The following ITGA9 variants were observed in gnomAD, a reference collection of about 807,000 sequenced individuals.
ITGA9 encodes integrin alpha-9.
Under a neutral mutation model 127.8 loss-of-function variants are expected in ITGA9, and 56 were observed. The observed-to-expected ratio is 0.44, with a 90% CI of 0.35 to 0.55. The LOEUF (loss-of-function observed/expected upper bound fraction) is 0.55, where lower values mean the gene tolerates loss of function less well. Ranked by LOEUF, ITGA9 falls within the 20% of genes least tolerant of loss-of-function variation. The pLI, the probability that ITGA9 is intolerant of heterozygous loss-of-function variation, is 0.00. For missense variants in ITGA9, 1,196 were observed against 1,347.1 expected (o/e 0.89, Z 1.76); for synonymous variants, 508 against 514.5 (o/e 0.99, Z 0.17).
At chr3:37,586,144 C>T (rs1699757314) in intron 15 of ITGA9, among the ~76,000 whole-genome samples, 2 of 152,288 alleles carry the variant, frequency 1.3e-5, no homozygotes, top group South Asian at 4.1e-4. Context: ...CCTGTGCCAA[C>T]AGTATTTTAC....
intron 23 of ITGA9, among the ~76,000 whole-genome samples, chr3:37,770,278 T>C (rs1250287735): frequency 1.3e-5 from 2 of 152,202 alleles, no homozygotes; most frequent in African/African-American, 4.8e-5. Flanking sequence ...TTATTTCCAT[T>C]GATATCTGAA....
At chr3:37,532,113 G>A (rs1242195910) in intron 13 of ITGA9, among the ~76,000 whole-genome samples, 2 of 152,208 alleles carry the variant, frequency 1.3e-5, no homozygotes, top group Non-Finnish European at 2.9e-5. Flanking sequence ...AAAGACTAAG[G>A]TGTTGGCCTT....
At chr3:37,524,521 T>A (rs1476748350) in intron 12 of ITGA9, among the ~76,000 whole-genome samples, 1 of 152,212 alleles carries the variant, frequency 6.6e-6, no homozygotes, top group Non-Finnish European at 1.5e-5. Context: ...GAAGCTTTTG[T>A]CCCAAGAAAG....
At chr3:37,793,389 A>AACACACAT (rs1270642484) in intron 26 of ITGA9, among the ~76,000 whole-genome samples, 3 of 134,564 alleles carry the variant, frequency 2.2e-5, no homozygotes, top group Middle Eastern at 3.7e-3. Context: ...CAAACAGGTC[A>AACACACAT]ACACACACAC....
chr3:37,761,616 T>C (rs1262689495), intron 23 of ITGA9, among the ~76,000 whole-genome samples: 1 of 152,200 alleles, frequency 6.6e-6, no homozygotes, highest in Non-Finnish European at 1.5e-5. Flanking sequence ...TAATAATTTC[T>C]TAAGGAAATT....
intron 23 of ITGA9, among the ~76,000 whole-genome samples, chr3:37,752,226 C>T (rs765883219): frequency 2.6e-5 from 4 of 152,218 alleles, no homozygotes; most frequent in African/African-American, 4.8e-5. Context: ...GAGCTCATGA[C>T]GGTTTCCACT....
At chr3:37,472,771 T>C (rs896180917) in intron 2 of ITGA9, among the ~76,000 whole-genome samples, 2 of 152,234 alleles carry the variant, frequency 1.3e-5, no homozygotes, top group African/African-American at 4.8e-5. Flanking sequence ...GTGAACTGTT[T>C]GTTACTGGTG....
chr3:37,675,374 C>T (rs1700671322), intron 17 of ITGA9, among the ~76,000 whole-genome samples: 2 of 152,186 alleles, frequency 1.3e-5, no homozygotes, highest in South Asian at 4.1e-4. Flanking sequence ...TTGCTGGTTG[C>T]CTGTCCTTCT....
intron 15 of ITGA9, among the ~76,000 whole-genome samples, chr3:37,579,434 G>C (rs1446177560): frequency 6.6e-6 from 1 of 152,164 alleles, no homozygotes; most frequent in Non-Finnish European, 1.5e-5. Flanking sequence ...AAAGAAGGAA[G>C]AGAGAAGATT....
rs555009708 is a variant in ITGA9 at position 37,660,352 on chromosome 3, C to T, written c.1916+6562C>T. ...GAAATGCTGGAAATTTATTTTGGAT[C>T]GTAGAAAAACTTCATGTGGTGGGAA... is the stretch of plus-strand genomic sequence containing the variant. On this transcript the variant is annotated intron_variant, in intron 17 of 27. Coordinates refer to ENST00000264741, the MANE Select transcript of ITGA9 (RefSeq NM_002207.3). 2.0e-3 allele frequency among the ~76,000 whole-genome samples: 298 copies of T among 152,212 alleles called. 2 individuals are homozygous for T. The highest frequency in any genetic ancestry group is 6.8e-3 in the African/African-American group (284 of 41,516).
chr3:37,693,261 G>A (rs1700850503), intron 18 of ITGA9, among the ~76,000 whole-genome samples: 1 of 152,158 alleles, frequency 6.6e-6, no homozygotes, highest in African/African-American at 2.4e-5. Context: ...CTCCATGGGA[G>A]GGTATTGTGG....
At chr3:37,663,194 G>A (rs1700554555) in intron 17 of ITGA9, among the ~76,000 whole-genome samples, 2 of 152,132 alleles carry the variant, frequency 1.3e-5, no homozygotes, top group South Asian at 4.1e-4. Context: ...ATTTGTAAAA[G>A]GATGCAACTA....
intron 22 of ITGA9, chr3:37,748,857 A>C: frequency 8.2e-7 from 1 of 1,215,086 alleles, no homozygotes; most frequent in South Asian, 1.2e-5. Flanking sequence ...ACCAATGGGA[A>C]GGAGCCTGAG....
chr3:37,552,854 A>G (rs548092020), intron 15 of ITGA9, among the ~76,000 whole-genome samples: 12 of 152,148 alleles, frequency 7.9e-5, no homozygotes, highest in African/African-American at 2.2e-4. Flanking sequence ...GTTTCTACTA[A>G]AATTACAAAA....
At chr3:37,674,385 C>T in intron 17 of ITGA9, among the ~76,000 whole-genome samples, 1 of 152,180 alleles carries the variant, frequency 6.6e-6, no homozygotes, top group East Asian at 1.9e-4. Flanking sequence ...AATGCAATAG[C>T]AGCTGCCTTC....
At chr3:37,800,174 A>C (rs1244631803) in intron 26 of ITGA9, among the ~76,000 whole-genome samples, 2 of 152,208 alleles carry the variant, frequency 1.3e-5, no homozygotes, top group African/African-American at 4.8e-5. Flanking sequence ...GTGTCCACAA[A>C]ACCAGACCTC....
intron 26 of ITGA9, among the ~76,000 whole-genome samples, chr3:37,786,400 A>G (rs573946017): frequency 6.6e-6 from 1 of 152,226 alleles, no homozygotes; most frequent in South Asian, 2.1e-4. Context: ...TCAGGAGTTC[A>G]AGACCAACAT....
At chr3:37,784,265 C>T (rs1224437882) in intron 25 of ITGA9, among the ~76,000 whole-genome samples, 1 of 152,168 alleles carries the variant, frequency 6.6e-6, no homozygotes, top group Non-Finnish European at 1.5e-5. Context: ...CAAATTCTTT[C>T]TCCATCCCTG....
rs554094949 is a variant in ITGA9 at position 37,486,070 on chromosome 3, C to T, written c.544+4463C>T. Among the ~76,000 whole-genome samples the T allele has an allele frequency of 3.3e-5, 5 of 152,328 alleles. No homozygotes were observed. The East Asian group carries it at 9.6e-4, about 29-fold the overall frequency. On this transcript the variant is annotated intron_variant, in intron 4 of 27. Coordinates refer to ENST00000264741, the MANE Select transcript of ITGA9 (RefSeq NM_002207.3). Reference sequence around the variant, plus strand: ...AGGACTCCGAAATGTTAAGTCAATGCATGTGATAAAATCAAGTACAGAGAT... The same window carrying T: ...AGGACTCCGAAATGTTAAGTCAATGTATGTGATAAAATCAAGTACAGAGAT...
Sources: gnomAD v4.1 joint callset for allele counts (sites outside exome capture counted in the v4.1 genomes callset) on GRCh38, gnomAD v4.1.1 for gene constraint, MANE v1.5 for transcripts, NCBI Gene and HGNC (gene_info 2026-07-23, HGNC 2026-07-21) for gene names.